Variants in PCDH9 observed in about 807,000 individuals in gnomAD.
The protein encoded by PCDH9 is protocadherin-9.
A neutral mutation model predicts 70.6 loss-of-function variants in PCDH9; 24 were observed. That is an observed-to-expected ratio of 0.34 (90% confidence interval 0.25 to 0.48). The LOEUF is 0.48. Ranked by LOEUF, PCDH9 falls within the 20% of genes least tolerant of loss-of-function variation. PCDH9 has a pLI of 0.99. For missense variants in PCDH9, 1,281 were observed against 1,503.6 expected, an observed-to-expected ratio of 0.85 and a Z score of 2.45; for synonymous variants, 562 against 558.5, an observed-to-expected ratio of 1.01 and a Z score of -0.09.
intron 4 of PCDH9, among the ~76,000 whole-genome samples, chr13:66,588,127 G>T (rs1475808593): frequency 1.3e-5 from 2 of 151,912 alleles, no homozygotes; most frequent in Non-Finnish European, 2.9e-5. Flanking sequence ...TTTCCCTGTG[G>T]CATTGGGCCA....
At chr13:66,617,188 C>G (rs958944428) in intron 4 of PCDH9, among the ~76,000 whole-genome samples, 1 of 152,142 alleles carries the variant, frequency 6.6e-6, no homozygotes, top group Non-Finnish European at 1.5e-5. Context: ...TTCATGGGTG[C>G]AAGCCACTTT....
At chr13:66,440,444 T>G (rs1460019914) in intron 4 of PCDH9, among the ~76,000 whole-genome samples, 2 of 152,092 alleles carry the variant, frequency 1.3e-5, no homozygotes, top group Non-Finnish European at 2.9e-5. Context: ...ACATTTCAAG[T>G]GTGTAAAAAA....
intron 2 of PCDH9, among the ~76,000 whole-genome samples, chr13:67,070,300 T>C (rs2138151935): frequency 6.6e-6 from 1 of 152,130 alleles, no homozygotes; most frequent in African/African-American, 2.4e-5. Flanking sequence ...GCATAACTAC[T>C]GTAAAGAAAA....
At chr13:67,037,156 T>C (rs534628275) in intron 2 of PCDH9, among the ~76,000 whole-genome samples, 2 of 152,294 alleles carry the variant, frequency 1.3e-5, no homozygotes, top group East Asian at 3.9e-4. Flanking sequence ...TGGTTGCAGT[T>C]TCATAGGGGC....
chr13:67,086,672 C>T (rs866996942), intron 2 of PCDH9, among the ~76,000 whole-genome samples: 1 of 152,038 alleles, frequency 6.6e-6, no homozygotes, highest in Non-Finnish European at 1.5e-5. Context: ...GCCAGGTGAA[C>T]TTAGTGAAGG....
intron 4 of PCDH9, among the ~76,000 whole-genome samples, chr13:66,624,865 G>A (rs1476825120): frequency 6.6e-6 from 1 of 152,122 alleles, no homozygotes; most frequent in Admixed American, 6.5e-5. Context: ...AATAAAATGT[G>A]AGCTCAAGTA....
At chr13:66,992,116 A>C (rs2084014818) in intron 2 of PCDH9, among the ~76,000 whole-genome samples, 1 of 152,160 alleles carries the variant, frequency 6.6e-6, no homozygotes, top group African/African-American at 2.4e-5. Flanking sequence ...TAACCTCTAC[A>C]TAATGTTTTA....
At chr13:66,692,677 A>G (rs1363453753) in intron 3 of PCDH9, among the ~76,000 whole-genome samples, 2 of 152,068 alleles carry the variant, frequency 1.3e-5, no homozygotes, top group East Asian at 3.8e-4. Flanking sequence ...TTATGGTATA[A>G]CAACATAACT....
chr13:66,311,209 C>T (rs952943905), intron 4 of PCDH9, among the ~76,000 whole-genome samples: 8 of 152,036 alleles, frequency 5.3e-5, no homozygotes, highest in African/African-American at 1.9e-4. Context: ...CTTAACCAAT[C>T]TTTCTATAAT....
At chr13:67,107,799 A>T (rs1355286151) in intron 2 of PCDH9, among the ~76,000 whole-genome samples, 1 of 152,194 alleles carries the variant, frequency 6.6e-6, no homozygotes, top group Non-Finnish European at 1.5e-5. Flanking sequence ...ACCATATTGC[A>T]GGCAACAAGG....
At chr13:66,362,279 A>G (rs1005808260) in intron 4 of PCDH9, among the ~76,000 whole-genome samples, 1 of 152,196 alleles carries the variant, frequency 6.6e-6, no homozygotes, top group African/African-American at 2.4e-5. Context: ...CTCCAGTGAG[A>G]TATAGATGTA....
intron 4 of PCDH9, among the ~76,000 whole-genome samples, chr13:66,482,996 C>A (rs1475290623): frequency 1.3e-5 from 2 of 152,130 alleles, no homozygotes; most frequent in Admixed American, 1.3e-4. Flanking sequence ...CTAAGCCCCA[C>A]CGTGCTTTGC....
intron 2 of PCDH9, among the ~76,000 whole-genome samples, chr13:67,087,569 C>T (rs1280807191): frequency 6.6e-6 from 1 of 152,080 alleles, no homozygotes; most frequent in Non-Finnish European, 1.5e-5. Context: ...CCATGAACGG[C>T]AGCACATTTT....
chr13:66,979,001 A>G (rs2083682245), intron 2 of PCDH9, among the ~76,000 whole-genome samples: 2 of 151,960 alleles, frequency 1.3e-5, no homozygotes, highest in Admixed American at 6.6e-5. Context: ...CATACATTTT[A>G]TTTATAAGGA....
At chr13:66,897,957 G>T (rs1167690792) in intron 3 of PCDH9, among the ~76,000 whole-genome samples, 2 of 151,986 alleles carry the variant, frequency 1.3e-5, no homozygotes, top group East Asian at 1.9e-4. Context: ...TCCCAGTTGG[G>T]CATGTCAGGA....
chr13:66,971,523 A>T (rs2083522513), intron 2 of PCDH9, among the ~76,000 whole-genome samples: 3 of 152,004 alleles, frequency 2.0e-5, no homozygotes, highest in Admixed American at 2.0e-4. Flanking sequence ...ATATAATCTT[A>T]TTCTGATTAT....
At chr13:66,708,409 T>TG (rs1555324408) in intron 3 of PCDH9, among the ~76,000 whole-genome samples, 4 of 151,180 alleles carry the variant, frequency 2.6e-5, no homozygotes, top group South Asian at 2.1e-4. Context: ...TTTAGTTTTT[T>TG]TTTTTTTTTT....
intron 3 of PCDH9, among the ~76,000 whole-genome samples, chr13:66,643,547 C>T (rs927264251): frequency 6.6e-6 from 1 of 151,984 alleles, no homozygotes; most frequent in African/African-American, 2.4e-5. Context: ...TACCGAGTCA[C>T]CTATCTCAGT....
chr13:66,697,403 T>C (rs2078578577), intron 3 of PCDH9, among the ~76,000 whole-genome samples: 1 of 152,144 alleles, frequency 6.6e-6, no homozygotes, highest in South Asian at 2.1e-4. Context: ...AAAGATAAAT[T>C]GTACCATACA....
Sources: allele counts gnomAD v4.1 joint callset (sites outside exome capture counted in the v4.1 genomes callset), GRCh38; gene constraint gnomAD v4.1.1; transcripts MANE v1.5; gene names NCBI Gene and HGNC (gene_info 2026-07-23, HGNC 2026-07-21).